The following TENM4 variants were observed in gnomAD, a reference collection of about 807,000 sequenced individuals.
TENM4 encodes the protein teneurin-4.
In TENM4, 82 loss-of-function variants were observed where a neutral mutation model predicts 243.3. That is an observed-to-expected ratio of 0.34 (90% confidence interval 0.28 to 0.40). The LOEUF (loss-of-function observed/expected upper bound fraction) is 0.40, where lower values mean the gene tolerates loss of function less well. TENM4 is among the 10% of genes least tolerant of loss of function. The pLI is 1.00. For missense variants in TENM4, 3,138 were observed against 3,673.3 expected (o/e 0.85, Z 3.77); for synonymous variants, 1,412 against 1,456.3 (o/e 0.97, Z 0.69).
intron 3 of TENM4, among the ~76,000 whole-genome samples, chr11:79,161,938 C>A (rs932178243): frequency 2.0e-5 from 3 of 152,202 alleles, no homozygotes; most frequent in Non-Finnish European, 4.4e-5. Context: ...ACTATCATTA[C>A]CCCCAGTTAC....
At chr11:79,279,081 C>T (rs928042489) in intron 2 of TENM4, among the ~76,000 whole-genome samples, 1 of 152,192 alleles carries the variant, frequency 6.6e-6, no homozygotes, top group Non-Finnish European at 1.5e-5. Flanking sequence ...ACATCCCAGA[C>T]AAACAGGCAC....
At chr11:78,971,073 C>T (rs1857535368) in intron 6 of TENM4, among the ~76,000 whole-genome samples, 1 of 152,036 alleles carries the variant, frequency 6.6e-6, no homozygotes, top group African/African-American at 2.4e-5. Context: ...AATGTAGTGG[C>T]TATTCACAGG....
intron 21 of TENM4, 100 bp downstream of exon 21, chr11:78,732,216 C>G (rs1590976010): frequency 6.8e-7 from 1 of 1,480,714 alleles, no homozygotes; most frequent in East Asian, 2.3e-5. Flanking sequence ...GACCCAAGCC[C>G]TACAGAGGTG....
At chr11:79,402,502 T>C (rs1265166893) in intron 1 of TENM4, among the ~76,000 whole-genome samples, 1 of 152,204 alleles carries the variant, frequency 6.6e-6, no homozygotes, top group Non-Finnish European at 1.5e-5. Flanking sequence ...TGGTTTCCCA[T>C]CCAATTATTC....
At chr11:79,012,393 T>C (rs1348015859) in intron 6 of TENM4, among the ~76,000 whole-genome samples, 2 of 152,118 alleles carry the variant, frequency 1.3e-5, no homozygotes. Flanking sequence ...GCTTGAAAGA[T>C]GGGAAGATGG....
chr11:79,314,761 G>A (rs1428841907), intron 1 of TENM4, among the ~76,000 whole-genome samples: 2 of 152,194 alleles, frequency 1.3e-5, no homozygotes, highest in African/African-American at 2.4e-5. Flanking sequence ...ATATACTCAT[G>A]GAGCTCACAG....
intron 3 of TENM4, among the ~76,000 whole-genome samples, chr11:79,181,897 T>C (rs1863287921): frequency 6.6e-6 from 1 of 150,502 alleles, no homozygotes; most frequent in Non-Finnish European, 1.5e-5. Flanking sequence ...TGACAAAATA[T>C]GTACAATATC....
chr11:78,913,583 ATGTGTGTGTGTGTGTGTGTGTG>A (rs55835050), intron 6 of TENM4, among the ~76,000 whole-genome samples: 6 of 141,932 alleles, frequency 4.2e-5, no homozygotes, highest in Admixed American at 1.4e-4. Flanking sequence ...GGTAAGAGGT[ATGTGTGTGTGTGTGTGTGTGTG>A]TGTGTGTGTG....
At chr11:78,752,831 G>A (rs1193747879) in intron 19 of TENM4, among the ~76,000 whole-genome samples, 1 of 152,042 alleles carries the variant, frequency 6.6e-6, no homozygotes, top group African/African-American at 2.4e-5. Context: ...GGTGGTCGCT[G>A]GACCTGGAGG....
intron 2 of TENM4, among the ~76,000 whole-genome samples, chr11:79,241,005 AT>A (rs753796775): frequency 4.9e-4 from 75 of 152,160 alleles, no homozygotes; most frequent in South Asian, 1.2e-3. Flanking sequence ...CCAGCGCTGT[AT>A]TTATTTTGCA....
At chr11:78,832,117 C>G (rs1857998856) in intron 12 of TENM4, among the ~76,000 whole-genome samples, 2 of 152,222 alleles carry the variant, frequency 1.3e-5, no homozygotes, top group Non-Finnish European at 1.5e-5. Flanking sequence ...CGCTCTCATT[C>G]CCAGCCAGTC....
chr11:79,327,585 A>G (rs1856994253), intron 1 of TENM4, among the ~76,000 whole-genome samples: 1 of 147,834 alleles, frequency 6.8e-6, no homozygotes, highest in Non-Finnish European at 1.5e-5. Context: ...ACTGAGTCTT[A>G]GTGACTTGTG....
intron 4 of TENM4, among the ~76,000 whole-genome samples, chr11:79,114,399 G>A (rs1013902054): frequency 2.0e-5 from 3 of 152,202 alleles, no homozygotes; most frequent in African/African-American, 7.2e-5. Flanking sequence ...ATACCTTTCT[G>A]CCCTTGTGCA....
intron 2 of TENM4, among the ~76,000 whole-genome samples, chr11:79,266,039 C>T (rs1279318967): frequency 1.3e-5 from 2 of 152,176 alleles, no homozygotes; most frequent in South Asian, 2.1e-4. Flanking sequence ...GTAAGTAGCA[C>T]TCCCACTTGC....
intron 27 of TENM4, among the ~76,000 whole-genome samples, chr11:78,705,042 C>T (rs967554819): frequency 3.9e-5 from 6 of 152,236 alleles, no homozygotes; most frequent in African/African-American, 1.4e-4. Context: ...GCTTCACACT[C>T]CCCTCGCTCT....
chr11:78,987,190 C>T (rs1330279917), intron 6 of TENM4, among the ~76,000 whole-genome samples: 1 of 152,106 alleles, frequency 6.6e-6, no homozygotes. Flanking sequence ...GATATAATAA[C>T]AGTGATGTTC....
At chr11:78,900,468 T>TG (rs1268899461) in intron 7 of TENM4, among the ~76,000 whole-genome samples, 2 of 152,150 alleles carry the variant, frequency 1.3e-5, no homozygotes, top group African/African-American at 4.8e-5. Flanking sequence ...TCAACTCCTT[T>TG]GGGGCGAGTA....
chr11:78,964,080 G>A (rs957582703), intron 6 of TENM4, among the ~76,000 whole-genome samples: 1 of 117,638 alleles, frequency 8.5e-6, no homozygotes, highest in African/African-American at 3.4e-5. Context: ...GTCTTGCTCT[G>A]TCGCCAGGCT....
chr11:79,048,773 C>T (rs757303978), intron 6 of TENM4, among the ~76,000 whole-genome samples: 16 of 152,208 alleles, frequency 1.1e-4, no homozygotes, highest in Middle Eastern at 3.4e-3. Context: ...CTCTATCAAA[C>T]GGGGATCCTG....
Sources: gnomAD v4.1 joint callset for allele counts (sites outside exome capture counted in the v4.1 genomes callset) on GRCh38, gnomAD v4.1.1 for gene constraint, MANE v1.5 for transcripts, NCBI Gene and HGNC (gene_info 2026-07-23, HGNC 2026-07-21) for gene names.